The following DNAH6 variants were observed in gnomAD, a reference collection of about 807,000 sequenced individuals.
DNAH6 encodes the protein axonemal beta dynein heavy chain 6.
A neutral mutation model predicts 491.4 loss-of-function variants in DNAH6; 340 were observed. That is an observed-to-expected ratio of 0.69 (90% CI 0.63 to 0.76). DNAH6 has a LOEUF of 0.76. Among genes scored for constraint, DNAH6 ranks in the 30% least tolerant of loss-of-function variants. The pLI is 0.00. For synonymous variants in DNAH6, 1,603 were observed against 1,686.1 expected, an observed-to-expected ratio of 0.95 and a Z score of 1.21; for missense variants, 4,443 against 4,972.2, an observed-to-expected ratio of 0.89 and a Z score of 3.20.
intron 4 of DNAH6, among the ~76,000 whole-genome samples, chr2:84,538,344 A>C (rs1035173193): frequency 6.6e-6 from 1 of 152,104 alleles, no homozygotes; most frequent in African/African-American, 2.4e-5. Flanking sequence ...TTTCTATTTG[A>C]TATTGTTTTG....
intron 2 of DNAH6, among the ~76,000 whole-genome samples, chr2:84,518,498 A>G (rs900315538): frequency 6.6e-6 from 1 of 152,244 alleles, no homozygotes; most frequent in South Asian, 2.1e-4. Flanking sequence ...ATGCCCTTGG[A>G]TAATTATAAA....
At chr2:84,792,089 C>T (rs1677809039) in intron 68 of DNAH6, among the ~76,000 whole-genome samples, 1 of 152,116 alleles carries the variant, frequency 6.6e-6, no homozygotes, top group South Asian at 2.1e-4. Flanking sequence ...CATGGATGGA[C>T]CTGACTGACA....
chr2:84,604,185 G>A (rs906451885), intron 18 of DNAH6, among the ~76,000 whole-genome samples, 154 bp from the exon 19 acceptor site: 1 of 152,190 alleles, frequency 6.6e-6, no homozygotes, highest in Non-Finnish European at 1.5e-5. Context: ...CTCAATTAGA[G>A]TCATTAATTT....
intron 40 of DNAH6, among the ~76,000 whole-genome samples, chr2:84,672,903 G>A (rs1318307464): frequency 6.6e-6 from 1 of 152,210 alleles, no homozygotes; most frequent in Admixed American, 6.5e-5. Context: ...TCCATAACAT[G>A]TGGCCTCAGT....
In DNAH6 at chr2:84,672,422, C is replaced by T. The variant is rs901022658; in HGVS notation, c.6550C>T (p.Arg2184Trp). 9.7e-6 allele frequency: 15 copies of T among 1,551,396 alleles called. No individual in the cohort carries two copies. The highest frequency in any genetic ancestry group is 5.9e-5 in the South Asian group (5 of 84,034). ...CTCTCAGCCTCCGATTGAATTACTTCGGCAGTATCAAGATTTTGGGGGATT... is the reference window on the plus strand; with the variant it reads ...CTCTCAGCCTCCGATTGAATTACTTTGGCAGTATCAAGATTTTGGGGGATT... ...YGSQPPIELLRQYQDFGGFYD... is the reference protein window; with the variant it reads ...YGSQPPIELLWQYQDFGGFYD... The change falls in exon 40 of 77, where the codon CGG becomes TGG. Residue 2184 changes from arginine to tryptophan, a missense_variant. Arg to Trp is a moderately radical substitution (Grantham distance 101). Transcript: ENST00000389394.
At chr2:84,564,004 G>A (rs1680921608) in intron 11 of DNAH6, among the ~76,000 whole-genome samples, 1 of 152,078 alleles carries the variant, frequency 6.6e-6, no homozygotes, top group Non-Finnish European at 1.5e-5. Flanking sequence ...TTAGATGGTT[G>A]TGGGTGTGCA....
intron 40 of DNAH6, among the ~76,000 whole-genome samples, chr2:84,674,183 T>C (rs937436930): frequency 1.3e-5 from 2 of 152,210 alleles, no homozygotes; most frequent in African/African-American, 4.8e-5. Flanking sequence ...AGATGGATAA[T>C]GCTATCAGCC....
chr2:84,595,915 G>A, intron 18 of DNAH6, 126 bp downstream of exon 18: 1 of 1,082,828 alleles, frequency 9.2e-7, no homozygotes, highest in Non-Finnish European at 1.3e-6. Flanking sequence ...AAAAACAATA[G>A]TCAAATTCAT....
chr2:84,818,354 TGCACAC>T (rs748206531), intron 76 of DNAH6, among the ~76,000 whole-genome samples: 9 of 151,416 alleles, frequency 5.9e-5, no homozygotes, highest in Non-Finnish European at 1.0e-4. Context: ...CAAGGTGTGG[TGCACAC>T]GCCTGTAGTC....
intron 59 of DNAH6, among the ~76,000 whole-genome samples, chr2:84,722,098 C>T (rs939477726): frequency 6.6e-6 from 1 of 152,194 alleles, no homozygotes; most frequent in African/African-American, 2.4e-5. Flanking sequence ...CAAACAACAG[C>T]TTCTATCCCA....
At chr2:84,679,705 G>C (rs1273215361) in intron 41 of DNAH6, among the ~76,000 whole-genome samples, 1 of 152,148 alleles carries the variant, frequency 6.6e-6, no homozygotes, top group African/African-American at 2.4e-5. Flanking sequence ...ATAATGATAC[G>C]CTAATTTTAA....
chr2:84,483,780 G>A, the DNAH6 span, among the ~76,000 whole-genome samples: 2 of 152,170 alleles, frequency 1.3e-5, no homozygotes, highest in Non-Finnish European at 2.9e-5. Context: ...GCCCTCCTCT[G>A]ATATAACAGG....
chr2:84,805,816 C>T (rs1412396005), intron 71 of DNAH6, 22 bp downstream of exon 71: 1 of 1,543,038 alleles, frequency 6.5e-7, no homozygotes, highest in Admixed American at 2.0e-5. Context: ...TTCTAGGAAT[C>T]TGTATGTAAT....
chr2:84,617,191 A>G (rs1024147237), intron 23 of DNAH6, among the ~76,000 whole-genome samples: 2 of 150,094 alleles, frequency 1.3e-5, no homozygotes, highest in Non-Finnish European at 2.9e-5. Context: ...GTGGGTAAGT[A>G]AGATGCTGAA....
chr2:84,505,731 C>G, the DNAH6 span, among the ~76,000 whole-genome samples: 1 of 152,108 alleles, frequency 6.6e-6, no homozygotes, highest in Non-Finnish European at 1.5e-5. Context: ...ACAACAGGCC[C>G]CGGTGTGTTA....
intron 55 of DNAH6, 112 bp downstream of exon 55, chr2:84,709,658 C>T (rs1696846643): frequency 2.5e-6 from 3 of 1,187,078 alleles, no homozygotes; most frequent in South Asian, 1.5e-5. Context: ...ATTTAACATA[C>T]ATGGAGATTT....
chr2:84,766,180 T>TA (rs150838764), intron 64 of DNAH6, among the ~76,000 whole-genome samples: 4,237 of 152,168 alleles, frequency 0.028, 198 homozygotes, highest in African/African-American at 0.097. Context: ...GCAAAATGGG[T>TA]AAAAATATAA....
At chr2:84,654,867 A>G in intron 35 of DNAH6, 85 bp downstream of exon 35, 1 of 1,435,944 alleles carries the variant, frequency 7.0e-7, no homozygotes, top group African/African-American at 1.4e-5. Flanking sequence ...TAGGTTAAGG[A>G]CTCATGGTTC....
chr2:84,476,776 G>A, the DNAH6 span, among the ~76,000 whole-genome samples: 5 of 152,182 alleles, frequency 3.3e-5, no homozygotes, highest in African/African-American at 1.2e-4. Context: ...CTGCTTTACT[G>A]CACTACAGAG....
Sources: allele counts gnomAD v4.1 joint callset (sites outside exome capture counted in the v4.1 genomes callset), GRCh38; gene constraint gnomAD v4.1.1; transcripts MANE v1.5; gene names NCBI Gene and HGNC (gene_info 2026-07-23, HGNC 2026-07-21).